The following DDX27 variants were observed in gnomAD, a reference collection of about 807,000 sequenced individuals.
DDX27 encodes the protein DEAD-box helicase 27.
DDX27 carries 42 observed loss-of-function variants against 99.3 expected under a neutral mutation model. The ratio of observed to expected loss-of-function variants is 0.42; its 90% confidence interval spans 0.33 to 0.55. The LOEUF is 0.55. DDX27 is among the 20% of genes least tolerant of loss of function. The probability of loss-of-function intolerance (pLI) is 0.07; values close to 1 mark genes in which losing one functional copy is unlikely to be tolerated. For missense variants in DDX27, 798 were observed against 976.8 expected, an observed-to-expected ratio of 0.82 and a Z score of 2.44; for synonymous variants, 329 against 353.8, an observed-to-expected ratio of 0.93 and a Z score of 0.79.
At chr20:49,241,785 T>C in intron 16 of DDX27, 108 bp from the exon 17 acceptor site, 1 of 1,283,506 alleles carries the variant, frequency 7.8e-7, no homozygotes, top group Non-Finnish European at 1.1e-6. Context: ...TGCTTGCCGC[T>C]TTTCATTTTA....
At chr20:49,221,649 A>G in intron 2 of DDX27, 51 bp downstream of exon 2, 1 of 1,515,302 alleles carries the variant, frequency 6.6e-7, no homozygotes, top group Non-Finnish European at 8.9e-7. Context: ...TTAAGATTGG[A>G]CTGTGAGTTT....
At chr20:49,228,387 T>G (rs772614576) in intron 7 of DDX27, among the ~76,000 whole-genome samples, 7 of 147,912 alleles carry the variant, frequency 4.7e-5, no homozygotes, top group African/African-American at 1.7e-4. Flanking sequence ...TCGCCTGCCT[T>G]GGCCTCACAA....
chr20:49,219,812 A>G (rs1451193468), intron 1 of DDX27, among the ~76,000 whole-genome samples: 3 of 151,760 alleles, frequency 2.0e-5, no homozygotes, highest in African/African-American at 7.3e-5. Context: ...TGTGTAAGAG[A>G]CGGCAGGTTT....
intron 6 of DDX27, among the ~76,000 whole-genome samples, chr20:49,225,701 C>T (rs956684884): frequency 5.9e-5 from 9 of 152,024 alleles, no homozygotes; most frequent in East Asian, 1.9e-4. Flanking sequence ...GTGATCCGCC[C>T]GCCTCAGCCT....
Position 49,219,456 on chromosome 20 carries a change from C to T in DDX27, c.8C>T (p.Ala3Val), listed in dbSNP as rs775695932. 17 of 1,614,068 alleles carry T rather than the reference C, an allele frequency of 1.1e-5. No homozygotes were observed. The highest frequency in any genetic ancestry group is 1.4e-5 in the Non-Finnish European group (17 of 1,179,990). ML[A>V]DLGLIGTIGE... is the part of the protein sequence containing the mutation. ...AGTGGCTTCTGCGACAACATGCTTG[C>T]GGACCTCGGCTTAATCGGAACCATA... The change falls in exon 1 of 21, where the codon GCG (alanine) becomes GTG (valine). Residue 3 changes from alanine to valine, a missense_variant. Around this residue, in one of 2 missense-constraint regions of DDX27, gnomAD observed 245 missense variants for 248.8 expected, o/e 0.98. Coordinates refer to ENST00000618172, the MANE Select transcript of DDX27 (RefSeq NM_017895.8).
rs1192290468 is a variant in DDX27, at chr20:49,236,139, A to C, written c.1428-11A>C. ...GTGTCTGGATGAACAGCTGTTTGTG[A>C]CTGTTTCTAGGCGTTTTAAGGATGA... On this transcript the variant is annotated splice_polypyrimidine_tract_variant and intron_variant, in intron 12 of 20. Transcript: ENST00000618172. The surrounding 1 kb of genome is among the most constrained non-coding windows in gnomAD (Gnocchi z 4.1). 6.2e-7 allele frequency: 1 copy of C among 1,604,874 alleles called. No homozygotes were observed. The highest frequency in any genetic ancestry group is 8.5e-7 in the Non-Finnish European group (1 of 1,175,786).
chr20:49,236,350 G>A lies in DDX27; in HGVS notation c.1527G>A (p.Met509Ile). ...CCTTCTAGGTAATCAACTTCACAATGCCTAATACCATCAAACATTATGTCC... is the reference window on the plus strand; with the variant it reads ...CCTTCTAGGTAATCAACTTCACAATACCTAATACCATCAAACATTATGTCC... ...EGVKTVINFT[M>I]PNTIKHYVHR... The change falls in exon 14 of 21, where the codon ATG becomes ATA. Residue 509 changes from methionine to isoleucine, a missense_variant. Physicochemically the swap from Met to Ile is conservative, Grantham distance 10 (BLOSUM62 1). Coordinates refer to ENST00000618172, the MANE Select transcript of DDX27 (RefSeq NM_017895.8). The surrounding 1 kb of genome is among the most constrained non-coding windows in gnomAD (Gnocchi z 4.1). 6.2e-7 allele frequency: 1 copy of A among 1,600,560 alleles called. No homozygotes were observed. Among genetic ancestry groups the A allele is most frequent in the Non-Finnish European group, 8.5e-7 (1 of 1,172,600 alleles).
At chr20:49,228,963 G>T in intron 8 of DDX27, 75 bp downstream of exon 8, 2 of 1,364,220 alleles carry the variant, frequency 1.5e-6, no homozygotes, top group Non-Finnish European at 1.9e-6. Context: ...CCCGCCATCT[G>T]TTGGTGTTGG....
At chr20:49,239,093 T>C in intron 15 of DDX27, 38 bp downstream of exon 15, 1 of 1,572,904 alleles carries the variant, frequency 6.4e-7, no homozygotes, top group Non-Finnish European at 8.7e-7. Context: ...ACAAGGCTGC[T>C]CAGTAAGCAA....
chr20:49,219,619 T>C, intron 1 of DDX27, 78 bp downstream of exon 1: 1 of 1,413,822 alleles, frequency 7.1e-7, no homozygotes, highest in Non-Finnish European at 9.5e-7. Context: ...TGTCCCCGAA[T>C]CCTCATCATC....
intron 7 of DDX27, among the ~76,000 whole-genome samples, chr20:49,227,244 G>A (rs1490166613): frequency 6.6e-6 from 1 of 152,182 alleles, no homozygotes; most frequent in Non-Finnish European, 1.5e-5. Flanking sequence ...ATAGTGCATA[G>A]GGTCTCTCGA....
chr20:49,223,741 T>C (rs1342746321), intron 4 of DDX27, among the ~76,000 whole-genome samples: 7 of 151,906 alleles, frequency 4.6e-5, no homozygotes, highest in Non-Finnish European at 1.0e-4. Flanking sequence ...ATAAGCTTGG[T>C]GTAGTGGCAT....
At chr20:49,232,873 G>A (rs2146714492) in intron 9 of DDX27, 1 of 158,848 alleles carries the variant, frequency 6.3e-6, no homozygotes, top group Non-Finnish European at 1.4e-5. Context: ...CCGGGAGGCC[G>A]AGATTGTGCC....
intron 2 of DDX27, among the ~76,000 whole-genome samples, chr20:49,222,318 T>G (rs1979717288): frequency 6.6e-6 from 1 of 150,532 alleles, no homozygotes; most frequent in Admixed American, 6.6e-5. Context: ...AGTTTTTTTT[T>G]GTTGTTTTTG....
chr20:49,243,453 T>C (rs1411354987), intron 19 of DDX27, among the ~76,000 whole-genome samples, 176 bp from the exon 20 acceptor site: 3 of 152,158 alleles, frequency 2.0e-5, no homozygotes, highest in Non-Finnish European at 4.4e-5. Context: ...AATTGGGCCC[T>C]GACTTCCAGA....
Position 49,224,983 on chromosome 20 carries a change from AAAG to A in DDX27, c.506_508del (p.Lys169_Gly170delinsArg). On this transcript the variant is annotated inframe_deletion, in exon 5 of 21. Coordinates refer to ENST00000618172, the MANE Select transcript of DDX27 (RefSeq NM_017895.8). ...AAAGGATCGGAAGAAGAAGAAGAAG[AAAG>A]GACAGGTGAGCTTGGGGCTGCAAGA... is the stretch of plus-strand genomic sequence containing the variant. The A allele has an allele frequency of 1.2e-6, 2 of 1,614,162 alleles. No homozygotes were observed. Among genetic ancestry groups the A allele is most frequent in the East Asian group, 4.5e-5 (2 of 44,884 alleles).
chr20:49,236,250 C>T lies in DDX27; in HGVS notation c.1509+19C>T. On this transcript the variant is annotated intron_variant, in intron 13 of 20. Coordinates refer to ENST00000618172, the MANE Select transcript of DDX27 (RefSeq NM_017895.8). This position sits in a 1 kb window ranked among gnomAD's most constrained non-coding sequence, Gnocchi z 4.1. ...CAAAACGGTGAGCAGACACTATCTT[C>T]CTTGGACTTTTGGTGGAAGTCTTTT... 6.3e-7 allele frequency: 1 copy of T among 1,586,780 alleles called. No homozygotes were observed. Among genetic ancestry groups the T allele is most frequent in the Non-Finnish European group, 8.6e-7 (1 of 1,164,910 alleles).
At chr20:49,224,281 G>A (rs938786265) in intron 4 of DDX27, among the ~76,000 whole-genome samples, 2 of 151,986 alleles carry the variant, frequency 1.3e-5, no homozygotes, top group Non-Finnish European at 2.9e-5. Flanking sequence ...GCTGCCAGAT[G>A]CCACTGTGAT....
Position 49,223,360 on chromosome 20 carries a change from T to C in DDX27, c.393T>C (p.Asp131=), listed in dbSNP as rs192496216. ...PKEQEDLQEN[D]EEGSEDEASE... is the part of the protein sequence containing the mutation. ...AGCAGGAAGACCTTCAAGAGAATGATGAGGAAGGCTCAGAAGATGAAGCCT... is the reference window on the plus strand; with the variant it reads ...AGCAGGAAGACCTTCAAGAGAATGACGAGGAAGGCTCAGAAGATGAAGCCT... Residue 131 remains aspartate, a synonymous_variant, in exon 4 of 21, where the codon GAT becomes GAC. Coordinates refer to ENST00000618172, the MANE Select transcript of DDX27 (RefSeq NM_017895.8). 8.1e-6 allele frequency: 13 copies of C among 1,614,032 alleles called. No homozygotes were observed. The East Asian group carries it at 2.7e-4, about 33-fold the overall frequency.
Sources: allele counts gnomAD v4.1 joint callset (sites outside exome capture counted in the v4.1 genomes callset), GRCh38; gene constraint gnomAD v4.1.1; regional missense constraint gnomAD v4.1.1; non-coding constraint Gnocchi (gnomAD v3.1); transcripts MANE v1.5; gene names NCBI Gene and HGNC (gene_info 2026-07-23, HGNC 2026-07-21).